Variants in C3orf52 observed in about 807,000 individuals in gnomAD.
C3orf52 encodes chromosome 3 open reading frame 52.
A neutral mutation model predicts 24.8 loss-of-function variants in C3orf52; 22 were observed. The observed-to-expected ratio is 0.89, with a 90% confidence interval of 0.63 to 1.27. The LOEUF is 1.27. C3orf52 is among the 50% of genes most tolerant of loss of function. The pLI is 0.00. For missense variants in C3orf52, 265 were observed against 260.7 expected (o/e 1.02, Z -0.11); for synonymous variants, 93 against 100.2 (o/e 0.93, Z 0.43).
chr3:112,100,912 A>G (rs2073966914), intron 2 of C3orf52, among the ~76,000 whole-genome samples: 2 of 152,248 alleles, frequency 1.3e-5, no homozygotes, highest in African/African-American at 4.8e-5. Flanking sequence ...AAAGCAGGAT[A>G]TAAATTACCT....
At chr3:112,126,984 T>C (rs549666700) in intron 4 of C3orf52, 1 of 1,574,838 alleles carries the variant, frequency 6.3e-7, no homozygotes, top group Non-Finnish European at 8.7e-7. Flanking sequence ...ATCAATGACT[T>C]ACTTTCGTTT....
chr3:112,111,313 AGCCATT>A, intron 4 of C3orf52: 1 of 152,284 alleles, frequency 6.6e-6, no homozygotes, highest in Admixed American at 6.5e-5. Flanking sequence ...GAGGAAGAAA[AGCCATT>A]GCTTCCCAAA....
At chr3:112,127,824 C>T (rs147212518) in intron 4 of C3orf52, among the ~76,000 whole-genome samples, 123 of 152,232 alleles carry the variant, frequency 8.1e-4, no homozygotes, top group African/African-American at 2.8e-3. Context: ...GGAGAGCATG[C>T]GACCCATGAG....
chr3:112,098,914 T>C (rs192478575), intron 2 of C3orf52, among the ~76,000 whole-genome samples: 1 of 152,316 alleles, frequency 6.6e-6, no homozygotes, highest in Admixed American at 6.5e-5. Flanking sequence ...TCTGATATTG[T>C]TTGGATTTGT....
At position 112,086,414 on chromosome 3, in the gene C3orf52, C is replaced by A. The variant is rs1296805333; in HGVS notation, c.7C>A (p.Leu3Met). The change falls in exon 1 of 6, where the codon CTG becomes ATG. Residue 3 changes from leucine to methionine, a missense_variant. By Grantham distance (15) the Leu-to-Met change is conservative (BLOSUM62 2). Transcript: ENST00000264848. ...AGACTTTCCCTGCCGGCACATGGAC[C>A]TGGCCCAACCCTCACAGCCAGTAGA... is the stretch of plus-strand genomic sequence containing the variant. MD[L>M]AQPSQPVDEL... The A allele has an allele frequency of 6.5e-7, 1 of 1,548,136 alleles. No homozygotes were observed.
At chr3:112,104,969 T>G (rs895879025) in intron 3 of C3orf52, among the ~76,000 whole-genome samples, 1 of 152,250 alleles carries the variant, frequency 6.6e-6, no homozygotes, top group African/African-American at 2.4e-5. Context: ...AGAAATAAGA[T>G]GAGTCAGCAT....
chr3:112,089,401 G>A (rs568301421), intron 1 of C3orf52, among the ~76,000 whole-genome samples: 2 of 152,110 alleles, frequency 1.3e-5, no homozygotes, highest in South Asian at 4.2e-4. Context: ...GGTGGCGCAT[G>A]CCTGTAATCC....
At chr3:112,124,978 G>C (rs894806040) in intron 4 of C3orf52, among the ~76,000 whole-genome samples, 1 of 152,196 alleles carries the variant, frequency 6.6e-6, no homozygotes, top group Non-Finnish European at 1.5e-5. Context: ...AAAGCACTCA[G>C]CATGTTGTCT....
rs1483174475 is a variant in C3orf52, at chr3:112,105,567, TGTG to T, written c.396+2603_396+2605del. 3.3e-5 allele frequency among the ~76,000 whole-genome samples: 5 copies of T among 151,374 alleles called. No individual in the cohort carries two copies. In the East Asian group the frequency reaches 5.8e-4, roughly 18 times the overall value. On this transcript the variant is annotated intron_variant, in intron 3 of 5. Transcript: ENST00000264848. ...GTGTGTGTGTGTGTGTGTGTGTGTG[TGTG>T]TTTTCCACACCAACCAATTATCTGC...
At chr3:112,093,031 C>T (rs1559969872) in intron 1 of C3orf52, among the ~76,000 whole-genome samples, 1 of 152,182 alleles carries the variant, frequency 6.6e-6, no homozygotes, top group Non-Finnish European at 1.5e-5. Context: ...AACCCACATT[C>T]CAGTCGGCAG....
chr3:112,087,698 G>T (rs957795957), intron 1 of C3orf52, among the ~76,000 whole-genome samples: 1 of 152,234 alleles, frequency 6.6e-6, no homozygotes, highest in Non-Finnish European at 1.5e-5. Context: ...GAAGAATGAA[G>T]GTTGAACAAA....
chr3:112,130,524 A>G, downstream of C3orf52: 3 of 1,612,696 alleles, frequency 1.9e-6, no homozygotes, highest in African/African-American at 1.3e-5. Flanking sequence ...CTGAAACTCA[A>G]CATATCAGAA....
chr3:112,107,243 T>C (rs549807256), intron 3 of C3orf52, among the ~76,000 whole-genome samples: 1 of 152,296 alleles, frequency 6.6e-6, no homozygotes, highest in African/African-American at 2.4e-5. Context: ...CAGAGAAGAC[T>C]GGAAGGAAGG....
rs115622239 is a variant in C3orf52 at position 112,091,003 on chromosome 3, G to A, written c.139-2357G>A. On this transcript the variant is annotated intron_variant, in intron 1 of 5. Coordinates refer to ENST00000264848, the MANE Select transcript of C3orf52 (RefSeq NM_024616.3). ...CAGGTTTTGAGTGGGGATGAGAGGT[G>A]ACCCTATCCCTGGATTCCAGAAATG... Among the ~76,000 whole-genome samples, 666 of 152,256 alleles carry A rather than the reference G, an allele frequency of 4.4e-3. 2 individuals are homozygous for A. The highest frequency in any genetic ancestry group is 0.015 in the African/African-American group (636 of 41,550).
chr3:112,120,477 C>T (rs551730332), downstream of C3orf52, among the ~76,000 whole-genome samples: 1 of 152,248 alleles, frequency 6.6e-6, no homozygotes, highest in African/African-American at 2.4e-5. Context: ...AATTTATTCA[C>T]AGAATAAGGG....
intron 5 of C3orf52, among the ~76,000 whole-genome samples, chr3:112,113,419 C>T (rs1036826785): frequency 5.9e-5 from 9 of 152,182 alleles, no homozygotes; most frequent in African/African-American, 2.2e-4. Flanking sequence ...AACATTGCTA[C>T]ATGTTTCCTC....
downstream of C3orf52, chr3:112,134,051 A>C (rs2074521070): frequency 6.6e-6 from 1 of 152,282 alleles, no homozygotes; most frequent in African/African-American, 2.4e-5. Flanking sequence ...AGAGGAGAAG[A>C]AGCAACTGAG....
At chr3:112,092,924 T>G (rs925793264) in intron 1 of C3orf52, among the ~76,000 whole-genome samples, 1 of 152,190 alleles carries the variant, frequency 6.6e-6, no homozygotes, top group African/African-American at 2.4e-5. Flanking sequence ...GCACACCCAA[T>G]TAAGTCCAAT....
chr3:112,133,992 A>T (rs1457461690), downstream of C3orf52: 3 of 152,316 alleles, frequency 2.0e-5, no homozygotes, highest in East Asian at 5.8e-4. Context: ...TCCCGTGCCC[A>T]TATAAACCCC....
Sources: allele counts gnomAD v4.1 joint callset (sites outside exome capture counted in the v4.1 genomes callset), GRCh38; gene constraint gnomAD v4.1.1; transcripts MANE v1.5; gene names NCBI Gene and HGNC (gene_info 2026-07-23, HGNC 2026-07-21).